The following LOC112694756 variants were observed in gnomAD, a reference collection of about 807,000 sequenced individuals.
chr16:30,064,829 G>A, the LOC112694756 span: 1 of 211,050 alleles, frequency 4.7e-6, no homozygotes, highest in Non-Finnish European at 9.3e-6. Context: ...TGGGGTTGGG[G>A]TTGGGCCAAC....
At chr16:30,059,508 TA>T in the LOC112694756 span, among the ~76,000 whole-genome samples, 1 of 148,232 alleles carries the variant, frequency 6.7e-6, no homozygotes, top group East Asian at 2.0e-4. Context: ...CAAAAAATAA[TA>T]ATAATAATAA....
the LOC112694756 span, chr16:30,069,133 C>T: frequency 7.3e-7 from 1 of 1,368,610 alleles, no homozygotes; most frequent in East Asian, 2.4e-5. Flanking sequence ...GCAGAGGGGC[C>T]AAGGAGGGAT....
At chr16:30,064,609 G>A in the LOC112694756 span, 435 of 397,534 alleles carry the variant, frequency 1.1e-3, 1 homozygote, top group African/African-American at 7.8e-3. Flanking sequence ...AGGGGCTTCA[G>A]GTTTCCCTAA....
the LOC112694756 span, among the ~76,000 whole-genome samples, chr16:30,060,519 T>G: frequency 6.6e-6 from 1 of 152,062 alleles, no homozygotes; most frequent in Non-Finnish European, 1.5e-5. Context: ...AACAGCAGAT[T>G]CCTTCCAGAA....
chr16:30,062,899 T>G, the LOC112694756 span, among the ~76,000 whole-genome samples: 1 of 151,560 alleles, frequency 6.6e-6, no homozygotes, highest in Non-Finnish European at 1.5e-5. Flanking sequence ...TCTTAGCACT[T>G]TGGGAGGCTG....
chr16:30,069,095 C>T, the LOC112694756 span: 6 of 1,514,088 alleles, frequency 4.0e-6, no homozygotes, highest in Admixed American at 1.8e-5. Flanking sequence ...AGCTTTGGCC[C>T]GTGGAGGACA....
At chr16:30,061,737 T>C in the LOC112694756 span, among the ~76,000 whole-genome samples, 1 of 151,334 alleles carries the variant, frequency 6.6e-6, no homozygotes. Context: ...TTTTTGTGTT[T>C]TTAGTAGAGA....
At chr16:30,054,978 C>T in the LOC112694756 span, 43 of 398,506 alleles carry the variant, frequency 1.1e-4, no homozygotes, top group African/African-American at 7.8e-4. Flanking sequence ...AGAGGAATCC[C>T]GGTAACCTGT....
the LOC112694756 span, chr16:30,067,569 ATCC>A: frequency 6.2e-7 from 1 of 1,613,904 alleles, no homozygotes; most frequent in South Asian, 1.1e-5. Flanking sequence ...TGGGGGTGTC[ATCC>A]TCTTCCATGA....
the LOC112694756 span, chr16:30,068,432 A>T: frequency 1.6e-6 from 1 of 640,684 alleles, no homozygotes; most frequent in African/African-American, 1.8e-5. Flanking sequence ...AGTTTAAGGG[A>T]TTAAGTAAAT....
At chr16:30,066,225 A>T in the LOC112694756 span, 6 of 152,010 alleles carry the variant, frequency 3.9e-5, no homozygotes, top group African/African-American at 1.2e-4. Flanking sequence ...CCTGGCGGGG[A>T]TCCTAAGAGG....
chr16:30,068,746 G>C, the LOC112694756 span: 3 of 1,614,194 alleles, frequency 1.9e-6, no homozygotes, highest in Non-Finnish European at 2.5e-6. Context: ...ACCAGAGCAG[G>C]TTTGGGTGCT....
At chr16:30,055,345 C>T in the LOC112694756 span, 2 of 399,026 alleles carry the variant, frequency 5.0e-6, no homozygotes, top group Non-Finnish European at 8.8e-6. Flanking sequence ...CCATTCCTAC[C>T]CCCTGCCCCA....
At chr16:30,055,059 CA>C in the LOC112694756 span, 5 of 398,784 alleles carry the variant, frequency 1.3e-5, no homozygotes, top group Non-Finnish European at 2.2e-5. Context: ...TTTGTGGTAC[CA>C]GGGGGTCCCT....
At chr16:30,068,729 G>A in the LOC112694756 span, 156 of 1,614,204 alleles carry the variant, frequency 9.7e-5, no homozygotes, top group Non-Finnish European at 1.2e-4. Context: ...TCTGCCCTAC[G>A]AACCCAACCA....
the LOC112694756 span, chr16:30,066,883 A>G: frequency 1.9e-6 from 3 of 1,546,880 alleles, no homozygotes; most frequent in Non-Finnish European, 8.7e-7. Context: ...TTTTGTTTTC[A>G]GGCAAGGTGA....
the LOC112694756 span, chr16:30,068,782 TC>T: frequency 6.2e-7 from 1 of 1,614,142 alleles, no homozygotes; most frequent in South Asian, 1.1e-5. Flanking sequence ...CACATGCCCC[TC>T]CCCACCGTGC....
chr16:30,059,109 G>A, the LOC112694756 span: 1 of 398,006 alleles, frequency 2.5e-6, no homozygotes, highest in Non-Finnish European at 4.4e-6. Flanking sequence ...GGTCTGGGCT[G>A]GGGCTAGAGT....
chr16:30,058,368 C>T, the LOC112694756 span, among the ~76,000 whole-genome samples: 17 of 152,116 alleles, frequency 1.1e-4, no homozygotes, highest in Admixed American at 6.6e-5. Context: ...CTGAGGCTTA[C>T]GGAGGTTGGA....
Sources: allele counts gnomAD v4.1 joint callset (sites outside exome capture counted in the v4.1 genomes callset), GRCh38; gene constraint gnomAD v4.1.1; transcripts MANE v1.5.